Variants in SLIT1 observed in about 807,000 individuals in gnomAD.
SLIT1 encodes the protein slit homolog 1 protein.
A neutral mutation model predicts 186.1 loss-of-function variants in SLIT1; 66 were observed. The observed-to-expected ratio is 0.35, with a 90% CI of 0.29 to 0.44. The LOEUF (loss-of-function observed/expected upper bound fraction) is 0.44. SLIT1 is among the 20% of genes least tolerant of loss of function. The pLI, the probability that SLIT1 is intolerant of heterozygous loss-of-function variation, is 1.00. For missense variants in SLIT1, 1,638 were observed against 2,037.4 expected (o/e 0.80, Z 3.77); for synonymous variants, 761 against 833.8 (o/e 0.91, Z 1.50).
At chr10:97,047,129 C>T (rs1848741630) in intron 16 of SLIT1, 64 bp from the exon 17 acceptor site, 1 of 1,104,354 alleles carries the variant, frequency 9.1e-7, no homozygotes. Context: ...CCCTTCCAAA[C>T]TGAGAATATT....
chr10:97,034,564 T>C, intron 22 of SLIT1, 22 bp from the exon 23 acceptor site: 3 of 1,606,564 alleles, frequency 1.9e-6, no homozygotes, highest in Non-Finnish European at 2.6e-6. Context: ...AAAGGCATCA[T>C]GATTTAGAAA....
At chr10:97,056,580 G>A (rs994241939) in intron 12 of SLIT1, 116 bp from the exon 13 acceptor site, 2 of 1,149,114 alleles carry the variant, frequency 1.7e-6, no homozygotes, top group Non-Finnish European at 2.5e-6. Context: ...GAGCCCATCG[G>A]AGCAGGCCCA....
rs36000443 is a variant in SLIT1, at chr10:97,184,018, C to CCACACA, written c.197+1454_197+1459dup. On this transcript the variant is annotated intron_variant, in intron 1 of 36. Coordinates refer to ENST00000266058, the MANE Select transcript of SLIT1 (RefSeq NM_003061.3). This position sits in a 1 kb window ranked among gnomAD's most constrained non-coding sequence, Gnocchi z 4.4. ...ATTCACACACACACATACACATGCA[C>CCACACA]CACACACACACACACACACACACAC... is the stretch of plus-strand genomic sequence containing the variant. Among the ~76,000 whole-genome samples the CCACACA allele has an allele frequency of 0.035, 4,991 of 142,506 alleles. 117 individuals carry two copies. Among genetic ancestry groups the CCACACA allele is most frequent in the South Asian group, 0.082 (351 of 4,260 alleles). The allele number at this position is 142,506 out of a possible 152,430, so 93.5% of individuals were successfully genotyped here.
intron 1 of SLIT1, among the ~76,000 whole-genome samples, chr10:97,169,988 C>T (rs2784914): frequency 0.47 from 70,918 of 152,142 alleles, 17,663 homozygotes; most frequent in East Asian, 0.58. Context: ...CCTTTGTCCC[C>T]TCATCCCATG....
intron 34 of SLIT1, among the ~76,000 whole-genome samples, chr10:97,003,779 A>C (rs1589359601): frequency 6.6e-6 from 1 of 152,240 alleles, no homozygotes; most frequent in East Asian, 1.9e-4. Flanking sequence ...CTTCTAGCCC[A>C]AAACCAAGAG....
intron 13 of SLIT1, 113 bp downstream of exon 13, chr10:97,056,208 C>T: frequency 1.6e-6 from 2 of 1,215,528 alleles, no homozygotes; most frequent in Non-Finnish European, 2.3e-6. Flanking sequence ...TAAGAGGCCA[C>T]CCCCAGTGAG....
At chr10:97,014,703 T>G (rs902636893) in intron 28 of SLIT1, among the ~76,000 whole-genome samples, 2 of 152,010 alleles carry the variant, frequency 1.3e-5, no homozygotes, top group South Asian at 4.2e-4. Context: ...GCTGTCTCTA[T>G]TAAAATACAA....
chr10:97,083,105 T>A (rs2134656070), intron 4 of SLIT1, among the ~76,000 whole-genome samples: 1 of 152,130 alleles, frequency 6.6e-6, no homozygotes, highest in East Asian at 1.9e-4. Context: ...TATTTATTTA[T>A]TTATTTATTT....
intron 4 of SLIT1, among the ~76,000 whole-genome samples, chr10:97,121,488 C>A (rs958749554): frequency 6.6e-6 from 1 of 152,182 alleles, no homozygotes; most frequent in Non-Finnish European, 1.5e-5. Flanking sequence ...CTTATTTAAG[C>A]CTTCAGTAAT....
rs192933548 is a variant in SLIT1 at position 97,056,967 on chromosome 10, G to A, written c.1157+243C>T. On this transcript the variant is annotated intron_variant, in intron 12 of 36. Coordinates refer to ENST00000266058, the MANE Select transcript of SLIT1 (RefSeq NM_003061.3). ...ACCAAGCTCCTCAGGAGCACGGGCC[G>A]AGTCTCAGGAGCCTCTCTGCTTTGG... Among the ~76,000 whole-genome samples, 386 of 152,340 alleles carry A rather than the reference G, an allele frequency of 2.5e-3. 2 individuals are homozygous for A. The highest frequency in any genetic ancestry group is 7.7e-3 in the African/African-American group (322 of 41,580).
At chr10:97,078,337 C>G (rs1849066591) in intron 4 of SLIT1, among the ~76,000 whole-genome samples, 1 of 152,072 alleles carries the variant, frequency 6.6e-6, no homozygotes. Flanking sequence ...AAGCCACAAA[C>G]CCTCCTGTGG....
intron 3 of SLIT1, among the ~76,000 whole-genome samples, chr10:97,161,992 C>T (rs888635117): frequency 2.0e-5 from 3 of 152,156 alleles, no homozygotes; most frequent in African/African-American, 7.2e-5. Context: ...CCCCAGGTGC[C>T]TGGCATAGAG....
chr10:97,139,506 T>A (rs976572462), intron 4 of SLIT1, among the ~76,000 whole-genome samples: 20 of 152,188 alleles, frequency 1.3e-4, no homozygotes, highest in African/African-American at 4.6e-4. Flanking sequence ...TATTATCAAC[T>A]TGATCAAGAA....
At chr10:97,129,365 GAC>G (rs1312841993) in intron 4 of SLIT1, among the ~76,000 whole-genome samples, 305 of 143,546 alleles carry the variant, frequency 2.1e-3, no homozygotes, top group Middle Eastern at 0.011. Flanking sequence ...TCATGCCACT[GAC>G]AGCAGGACTG....
intron 1 of SLIT1, among the ~76,000 whole-genome samples, chr10:97,178,627 G>A (rs1206418969): frequency 6.6e-6 from 1 of 152,176 alleles, no homozygotes; most frequent in Non-Finnish European, 1.5e-5. Flanking sequence ...GAATAGTTTT[G>A]CACCGATGTT....
chr10:97,107,895 G>A (rs912050291), intron 4 of SLIT1, among the ~76,000 whole-genome samples: 1 of 152,168 alleles, frequency 6.6e-6, no homozygotes, highest in Non-Finnish European at 1.5e-5. Flanking sequence ...CCCACACAAA[G>A]GAGGAGAAGA....
intron 2 of SLIT1, among the ~76,000 whole-genome samples, chr10:97,164,222 A>T (rs1250623819): frequency 6.6e-6 from 1 of 151,964 alleles, no homozygotes; most frequent in Non-Finnish European, 1.5e-5. Flanking sequence ...GTCCCTCTCC[A>T]CCCGCAAGCA....
intron 4 of SLIT1, among the ~76,000 whole-genome samples, chr10:97,131,187 C>T (rs1482666272): frequency 6.6e-6 from 1 of 152,230 alleles, no homozygotes; most frequent in Admixed American, 6.5e-5. Flanking sequence ...AAGAGCCACA[C>T]AGGCCAGAAA....
intron 4 of SLIT1, among the ~76,000 whole-genome samples, chr10:97,115,738 C>T (rs552865171): frequency 3.9e-5 from 6 of 152,306 alleles, no homozygotes; most frequent in East Asian, 1.9e-4. Context: ...GAAATCCAGT[C>T]GCCACCTATG....
Sources: gnomAD v4.1 joint callset for allele counts (sites outside exome capture counted in the v4.1 genomes callset) on GRCh38, gnomAD v4.1.1 for gene constraint, Gnocchi (gnomAD v3.1) non-coding constraint, MANE v1.5 for transcripts, NCBI Gene and HGNC (gene_info 2026-07-23, HGNC 2026-07-21) for gene names.